Variants in ALPK1 observed in about 807,000 individuals in gnomAD.
ALPK1 encodes alpha kinase 1.
ALPK1 carries 110 observed loss-of-function variants against 120.6 expected under a neutral mutation model. That is an observed-to-expected ratio of 0.91 (90% CI 0.78 to 1.07). ALPK1 has a LOEUF of 1.07. Among genes scored for constraint, ALPK1 ranks in the 50% least tolerant of loss-of-function variants. The pLI, the probability that ALPK1 is intolerant of heterozygous loss-of-function variation, is 0.00. For synonymous variants in ALPK1, 582 were observed against 560.3 expected (o/e 1.04, Z -0.55); for missense variants, 1,498 against 1,483.9 (o/e 1.01, Z -0.16).
chr4:112,424,113 G>A, intron 6 of ALPK1, 110 bp downstream of exon 6: 2 of 997,276 alleles, frequency 2.0e-6, no homozygotes, highest in East Asian at 2.6e-5. Context: ...TGTTTCCAGA[G>A]CTATCTGGGG....
chr4:112,410,730 AGAT>A (rs1560675495), intron 4 of ALPK1, among the ~76,000 whole-genome samples: 1 of 152,222 alleles, frequency 6.6e-6, no homozygotes, highest in Non-Finnish European at 1.5e-5. Context: ...GCAGAGCAAA[AGAT>A]GATGATGTTT....
chr4:112,304,532 G>T (rs1486137574), intron 1 of ALPK1, among the ~76,000 whole-genome samples: 1 of 152,060 alleles, frequency 6.6e-6, no homozygotes, highest in Non-Finnish European at 1.5e-5. Context: ...GTGTCTGTTG[G>T]CTGCATAAAT....
At chr4:112,385,395 G>A (rs1301356165) in intron 4 of ALPK1, among the ~76,000 whole-genome samples, 1 of 152,156 alleles carries the variant, frequency 6.6e-6, no homozygotes, top group Admixed American at 6.5e-5. Flanking sequence ...CAGCTCACAA[G>A]GTCACTCAGT....
intron 4 of ALPK1, among the ~76,000 whole-genome samples, chr4:112,411,225 TTTG>T (rs565347487): frequency 2.0e-5 from 3 of 152,038 alleles, no homozygotes; most frequent in Non-Finnish European, 4.4e-5. Flanking sequence ...CCTATATAGT[TTTG>T]TTGTTGTTGT....
At position 112,430,931 on chromosome 4, in the gene ALPK1, C is replaced by T. The variant is rs1734514996; in HGVS notation, c.1384C>T (p.His462Tyr). ...FQKILDTYSQ[H>Y]HTSVCEVFES... is the part of the protein sequence containing the mutation. Reference sequence around the variant, plus strand: ...AAAAATCCTTGACACCTATTCACAGCACCATACTTCGGTGTGTGAAGTATT... The same window carrying T: ...AAAAATCCTTGACACCTATTCACAGTACCATACTTCGGTGTGTGAAGTATT... The change falls in exon 11 of 16, where the codon CAC (histidine) becomes TAC (tyrosine). Residue 462 changes from histidine (H) to tyrosine (Y), a missense_variant. Transcript: ENST00000650871. 1 of 1,614,026 alleles carries T rather than the reference C, an allele frequency of 6.2e-7. No homozygotes were observed. Among genetic ancestry groups the T allele is most frequent in the Admixed American group, 1.7e-5 (1 of 60,010 alleles).
At chr4:112,332,396 C>T (rs1039272175) in intron 2 of ALPK1, among the ~76,000 whole-genome samples, 42 of 152,348 alleles carry the variant, frequency 2.8e-4, no homozygotes, top group African/African-American at 9.9e-4. Context: ...CCCCCAGAAA[C>T]ATCAATGAGT....
At chr4:112,411,043 A>C (rs988583035) in intron 4 of ALPK1, 5 of 154,864 alleles carry the variant, frequency 3.2e-5, no homozygotes, top group African/African-American at 9.6e-5. Flanking sequence ...AGAGATAGGA[A>C]GGGTAGGAGA....
chr4:112,434,896 T>C (rs1330427359), intron 11 of ALPK1, among the ~76,000 whole-genome samples: 1 of 152,248 alleles, frequency 6.6e-6, no homozygotes, highest in African/African-American at 2.4e-5. Context: ...TAATCCCTTT[T>C]CATCACAACT....
Position 112,392,198 on chromosome 4 carries a change from A to G in ALPK1, c.276+9646A>G, listed in dbSNP as rs1030088940. Among the ~76,000 whole-genome samples, 5 of 152,294 alleles carry G rather than the reference A, an allele frequency of 3.3e-5. No individual in the cohort carries two copies. The South Asian group carries it at 8.3e-4, about 25-fold the overall frequency. On this transcript the variant is annotated intron_variant, in intron 4 of 15. Transcript: ENST00000650871. ...GGATGTCCTAGATGTCTCAAGTTCAATAGGTCCAAAACTGAACTCATAATC... is the reference window on the plus strand; with the variant it reads ...GGATGTCCTAGATGTCTCAAGTTCAGTAGGTCCAAAACTGAACTCATAATC...
chr4:112,413,964 A>C lies in ALPK1; in HGVS notation c.475+1939A>C, dbSNP rs564776885. 1.9e-3 allele frequency among the ~76,000 whole-genome samples: 293 copies of C among 152,340 alleles called. 2 individuals are homozygous for C. Among genetic ancestry groups the C allele is most frequent in the Non-Finnish European group, 3.4e-3 (231 of 68,026 alleles). On this transcript the variant is annotated intron_variant, in intron 5 of 15. Coordinates refer to ENST00000650871, the MANE Select transcript of ALPK1 (RefSeq NM_025144.4). The stretch of plus-strand genomic sequence containing the variant: ...AAAAGTGCCACAGAAAGACAAATAT[A>C]ACCTCAGAGTTAAGTCTTCTTGTGT...
intron 1 of ALPK1, among the ~76,000 whole-genome samples, chr4:112,302,772 A>G (rs1440594847): frequency 6.6e-6 from 1 of 151,774 alleles, no homozygotes; most frequent in African/African-American, 2.4e-5. Context: ...TTTTGCAGCT[A>G]CATCCCTCTT....
intron 2 of ALPK1, among the ~76,000 whole-genome samples, chr4:112,321,671 GAT>G (rs1181327192): frequency 1.3e-5 from 2 of 152,072 alleles, no homozygotes; most frequent in Non-Finnish European, 2.9e-5. Context: ...TTTAATCATT[GAT>G]ATATTGAAAC....
intron 2 of ALPK1, chr4:112,359,366 C>T (rs1350200823): frequency 2.7e-6 from 1 of 376,658 alleles, no homozygotes; most frequent in Non-Finnish European, 5.1e-6. Flanking sequence ...ATGACCTGGA[C>T]AAGGTGCTGG....
chr4:112,309,097 G>A (rs556185292), intron 1 of ALPK1, among the ~76,000 whole-genome samples: 5 of 152,106 alleles, frequency 3.3e-5, no homozygotes, highest in East Asian at 1.9e-4. Context: ...CTGCCTGATC[G>A]TTCCTCTGGA....
At position 112,320,829 on chromosome 4, in the gene ALPK1, G is replaced by A. The variant is rs1027077314; in HGVS notation, c.-101+4977G>A. 3.3e-5 allele frequency among the ~76,000 whole-genome samples: 5 copies of A among 151,502 alleles called. 1 individual carries two copies. Among genetic ancestry groups the A allele is most frequent in the East Asian group, 3.9e-4 (2 of 5,176 alleles). On this transcript the variant is annotated intron_variant, in intron 2 of 15. Transcript: ENST00000650871. ...AGGTCTTCTAGTTCATGTGTGTAAA[G>A]GTTTTCAGTAGCCTTGAATGATCTT... is the stretch of plus-strand genomic sequence containing the variant.
At chr4:112,411,730 T>C (rs1422254039) in intron 4 of ALPK1, 97 bp from the exon 5 acceptor site, 3 of 1,173,518 alleles carry the variant, frequency 2.6e-6, no homozygotes, top group Non-Finnish European at 3.7e-6. Flanking sequence ...TAGCTGTGGG[T>C]TTTGTTGTAT....
chr4:112,307,653 G>A (rs577556684), intron 1 of ALPK1, among the ~76,000 whole-genome samples: 4 of 152,068 alleles, frequency 2.6e-5, no homozygotes, highest in Non-Finnish European at 5.9e-5. Context: ...CTGCACATGA[G>A]ATGGGTCTCC....
intron 1 of ALPK1, among the ~76,000 whole-genome samples, chr4:112,305,392 T>G (rs1299365325): frequency 6.6e-6 from 1 of 152,074 alleles, no homozygotes; most frequent in African/African-American, 2.4e-5. Context: ...GCATGGAATG[T>G]TCTTCCATTT....
chr4:112,303,689 C>T (rs1727889104), intron 1 of ALPK1, among the ~76,000 whole-genome samples: 1 of 151,906 alleles, frequency 6.6e-6, no homozygotes, highest in Non-Finnish European at 1.5e-5. Flanking sequence ...TCTTGATCTC[C>T]CAGCGACATG....
Sources: gnomAD v4.1 joint callset for allele counts (sites outside exome capture counted in the v4.1 genomes callset) on GRCh38, gnomAD v4.1.1 for gene constraint, MANE v1.5 for transcripts, NCBI Gene and HGNC (gene_info 2026-07-23, HGNC 2026-07-21) for gene names.